The following NSG2 variants were observed in gnomAD, a reference collection of about 807,000 sequenced individuals.
NSG2 encodes neuronal vesicle trafficking associated 2.
In NSG2, 4 loss-of-function variants were observed where a neutral mutation model predicts 16.9. The ratio of observed to expected loss-of-function variants is 0.24; its 90% CI spans 0.12 to 0.54. NSG2 has a LOEUF of 0.54. Among genes scored for constraint, NSG2 ranks in the 20% least tolerant of loss-of-function variants. The pLI, the probability that NSG2 is intolerant of heterozygous loss-of-function variation, is 0.95. For synonymous variants in NSG2, 98 were observed against 88.7 expected (o/e 1.11, Z -0.59); for missense variants, 179 against 221.1 (o/e 0.81, Z 1.21).
intron 2 of NSG2, among the ~76,000 whole-genome samples, chr5:174,063,714 C>T (rs1760093962): frequency 6.6e-6 from 1 of 151,972 alleles, no homozygotes; most frequent in African/African-American, 2.4e-5. Flanking sequence ...TCCATTTATC[C>T]TTTGAGTTAC....
At chr5:174,089,261 C>T (rs538760320) in intron 3 of NSG2, among the ~76,000 whole-genome samples, 104 of 152,300 alleles carry the variant, frequency 6.8e-4, no homozygotes, top group Middle Eastern at 3.4e-3. Flanking sequence ...GGTTGAGGCT[C>T]AGGGTGGGGT....
At chr5:174,094,130 G>T (rs1760760627) in intron 3 of NSG2, among the ~76,000 whole-genome samples, 1 of 152,198 alleles carries the variant, frequency 6.6e-6, no homozygotes, top group Non-Finnish European at 1.5e-5. Flanking sequence ...TTTAGAATGA[G>T]ATACTCTAGA....
At chr5:174,098,313 T>C (rs1760838370) in intron 3 of NSG2, among the ~76,000 whole-genome samples, 1 of 152,118 alleles carries the variant, frequency 6.6e-6, no homozygotes, top group Non-Finnish European at 1.5e-5. Context: ...GCAAAGATGT[T>C]ACCCCGACAG....
At chr5:174,083,019 TC>T (rs1760513293) in intron 3 of NSG2, among the ~76,000 whole-genome samples, 1 of 152,206 alleles carries the variant, frequency 6.6e-6, no homozygotes, top group Non-Finnish European at 1.5e-5. Flanking sequence ...CTGCTTACCA[TC>T]CAAGACTTGT....
chr5:174,103,043 C>T (rs1431401022), intron 3 of NSG2, among the ~76,000 whole-genome samples: 3 of 151,108 alleles, frequency 2.0e-5, no homozygotes, highest in African/African-American at 7.3e-5. Context: ...CCTACCTCGG[C>T]CTCCCAAAGT....
At chr5:174,064,494 T>G (rs921284968) in intron 3 of NSG2, 179 bp downstream of exon 3, 3 of 461,280 alleles carry the variant, frequency 6.5e-6, no homozygotes, top group Non-Finnish European at 1.2e-5. Flanking sequence ...ACAAGAACTC[T>G]GCCTCTGAGG....
intron 3 of NSG2, among the ~76,000 whole-genome samples, chr5:174,087,094 T>C (rs558797413): frequency 6.6e-6 from 1 of 152,350 alleles, no homozygotes; most frequent in African/African-American, 2.4e-5. Context: ...TTTGAGGCCA[T>C]AGATGTTTCA....
chr5:174,076,348 T>C (rs923940140), intron 3 of NSG2, among the ~76,000 whole-genome samples: 2 of 152,176 alleles, frequency 1.3e-5, no homozygotes, highest in Non-Finnish European at 2.9e-5. Flanking sequence ...AGTATTGTCA[T>C]TAATTTGGGT....
intron 2 of NSG2, among the ~76,000 whole-genome samples, chr5:174,049,360 CAAACAAAA>C (rs948926169): frequency 2.0e-4 from 28 of 142,858 alleles, no homozygotes; most frequent in Non-Finnish European, 4.3e-4. Context: ...AACAAACAAA[CAAACAAAA>C]AAACAAACTA....
At chr5:174,096,703 G>A (rs1009178779) in intron 3 of NSG2, among the ~76,000 whole-genome samples, 4 of 152,050 alleles carry the variant, frequency 2.6e-5, no homozygotes, top group Non-Finnish European at 5.9e-5. Context: ...TCTGGCCAGG[G>A]GGCTTATGAT....
chr5:174,057,258 T>C (rs1759980165), intron 2 of NSG2, among the ~76,000 whole-genome samples: 1 of 152,206 alleles, frequency 6.6e-6, no homozygotes, highest in African/African-American at 2.4e-5. Context: ...TCCATTTTCT[T>C]TTAACTGCGG....
rs893681044 is a variant in NSG2, at chr5:174,092,707, A to C, written c.214-11521A>C. 4.2e-4 allele frequency among the ~76,000 whole-genome samples: 64 copies of C among 152,198 alleles called. 6 individuals are homozygous for C. The highest frequency in any genetic ancestry group is 1.5e-5 in the Non-Finnish European group (1 of 68,042). ...GCATTAATCATCTTGCTTGTACCTCATGATAGTTTTTCGTACATTAGCGCA... is the reference window on the plus strand; with the variant it reads ...GCATTAATCATCTTGCTTGTACCTCCTGATAGTTTTTCGTACATTAGCGCA... On this transcript the variant is annotated intron_variant, in intron 3 of 4. Coordinates refer to ENST00000303177, the MANE Select transcript of NSG2 (RefSeq NM_015980.5).
At chr5:174,050,573 G>C (rs921582881) in intron 2 of NSG2, among the ~76,000 whole-genome samples, 7 of 152,142 alleles carry the variant, frequency 4.6e-5, no homozygotes, top group East Asian at 1.9e-4. Flanking sequence ...GAACCTCAGT[G>C]TACTTGATGT....
intron 3 of NSG2, among the ~76,000 whole-genome samples, chr5:174,090,268 G>C (rs1281704309): frequency 2.6e-5 from 4 of 152,176 alleles, no homozygotes; most frequent in Non-Finnish European, 5.9e-5. Flanking sequence ...AACGTCGAGG[G>C]GAAACCAGGC....
intron 3 of NSG2, among the ~76,000 whole-genome samples, chr5:174,099,212 C>G (rs1265630173): frequency 1.3e-5 from 2 of 152,134 alleles, no homozygotes; most frequent in African/African-American, 4.8e-5. Flanking sequence ...AAATCTCGCC[C>G]TGGAACCAAA....
intron 2 of NSG2, among the ~76,000 whole-genome samples, chr5:174,048,874 A>G (rs777628204): frequency 2.0e-5 from 3 of 152,210 alleles, no homozygotes; most frequent in African/African-American, 7.2e-5. Context: ...CGTGAAGCCA[A>G]TTATCCTGAA....
chr5:174,090,502 A>T (rs1439411569), intron 3 of NSG2, among the ~76,000 whole-genome samples: 1 of 152,262 alleles, frequency 6.6e-6, no homozygotes, highest in East Asian at 1.9e-4. Context: ...CAAGTTAGGC[A>T]GGGTGAGCCA....
intron 3 of NSG2, among the ~76,000 whole-genome samples, chr5:174,088,283 G>C (rs1760665445): frequency 6.6e-6 from 1 of 152,154 alleles, no homozygotes; most frequent in African/African-American, 2.4e-5. Flanking sequence ...AGTCGCACAG[G>C]TGGTAATAGT....
intron 2 of NSG2, among the ~76,000 whole-genome samples, chr5:174,058,559 A>G (rs1030737485): frequency 2.6e-5 from 4 of 152,186 alleles, no homozygotes; most frequent in African/African-American, 7.2e-5. Flanking sequence ...CAACACTGAG[A>G]GATCAGAAAG....
Sources: allele counts gnomAD v4.1 joint callset (sites outside exome capture counted in the v4.1 genomes callset), GRCh38; gene constraint gnomAD v4.1.1; transcripts MANE v1.5; gene names NCBI Gene and HGNC (gene_info 2026-07-23, HGNC 2026-07-21).